The following ANKS1B variants were observed in gnomAD, a reference collection of about 807,000 sequenced individuals.
The protein encoded by ANKS1B is ankyrin repeat and sterile alpha motif domain containing 1B, also known as ankyrin repeat and sterile alpha motif domain-containing protein 1B.
ANKS1B carries 36 observed loss-of-function variants against 148.3 expected under a neutral mutation model. The observed-to-expected ratio is 0.24, with a 90% CI of 0.19 to 0.32. The LOEUF is 0.32. Among genes scored for constraint, ANKS1B ranks in the 10% least tolerant of loss-of-function variants. The pLI, the probability that ANKS1B is intolerant of heterozygous loss-of-function variation, is 1.00. For synonymous variants in ANKS1B, 542 were observed against 560.8 expected (o/e 0.97, Z 0.47); for missense variants, 1,157 against 1,542.6 (o/e 0.75, Z 4.19).
chr12:99,463,262 A>C (rs945819826), intron 10 of ANKS1B, among the ~76,000 whole-genome samples: 1 of 152,258 alleles, frequency 6.6e-6, no homozygotes, highest in Non-Finnish European at 1.5e-5. Context: ...GTTTTGATTA[A>C]TATGTGAAGA....
chr12:99,654,950 C>A, intron 9 of ANKS1B, 117 bp downstream of exon 9: 1 of 1,211,000 alleles, frequency 8.3e-7, no homozygotes, highest in Non-Finnish European at 1.1e-6. Context: ...CCACAAGATC[C>A]AAAATCACAA....
intron 17 of ANKS1B, among the ~76,000 whole-genome samples, chr12:98,988,157 T>C (rs1670802432): frequency 6.6e-6 from 1 of 152,196 alleles, no homozygotes; most frequent in Admixed American, 6.5e-5. Context: ...AAGAATACAA[T>C]ATATTAACTA....
At chr12:99,322,735 G>A (rs2085532362) in intron 12 of ANKS1B, among the ~76,000 whole-genome samples, 1 of 152,120 alleles carries the variant, frequency 6.6e-6, no homozygotes, top group South Asian at 2.1e-4. Context: ...TGGTTTGGCT[G>A]TGTCCCCATC....
chr12:99,433,219 A>C (rs2095408425), intron 11 of ANKS1B, among the ~76,000 whole-genome samples: 1 of 152,180 alleles, frequency 6.6e-6, no homozygotes, highest in African/African-American at 2.4e-5. Context: ...AAAAATTAAT[A>C]ACACTGAAGA....
chr12:99,312,534 C>T (rs1032290251), intron 12 of ANKS1B, among the ~76,000 whole-genome samples: 10 of 152,144 alleles, frequency 6.6e-5, no homozygotes, highest in East Asian at 1.9e-4. Context: ...TCCAAAATGA[C>T]GACATAGACC....
intron 8 of ANKS1B, among the ~76,000 whole-genome samples, chr12:99,670,657 T>C (rs1286928001): frequency 6.6e-6 from 1 of 152,082 alleles, no homozygotes; most frequent in Non-Finnish European, 1.5e-5. Flanking sequence ...ACCAAAATTA[T>C]AAGCATTACA....
At chr12:99,300,600 G>A (rs1232177527) in intron 12 of ANKS1B, among the ~76,000 whole-genome samples, 1 of 152,148 alleles carries the variant, frequency 6.6e-6, no homozygotes, top group Non-Finnish European at 1.5e-5. Context: ...CTATCAACAG[G>A]GAACTAGAGA....
chr12:99,298,301 T>G (rs1339921663), intron 12 of ANKS1B, among the ~76,000 whole-genome samples: 2 of 152,200 alleles, frequency 1.3e-5, no homozygotes, highest in African/African-American at 2.4e-5. Context: ...GGGCCATGTG[T>G]AGATAATTGA....
chr12:99,236,498 C>T (rs1192404505), intron 14 of ANKS1B, among the ~76,000 whole-genome samples: 3 of 152,172 alleles, frequency 2.0e-5, no homozygotes, highest in South Asian at 2.1e-4. Flanking sequence ...CATCAGGTCT[C>T]GTGAGAACTC....
intron 22 of ANKS1B, among the ~76,000 whole-genome samples, chr12:98,792,598 C>T (rs1244515843): frequency 6.6e-6 from 1 of 152,112 alleles, no homozygotes; most frequent in Non-Finnish European, 1.5e-5. Flanking sequence ...CTCCCTATTC[C>T]CCTCCTCCTC....
chr12:98,759,258 G>A (rs2098341147), intron 25 of ANKS1B, among the ~76,000 whole-genome samples: 1 of 152,136 alleles, frequency 6.6e-6, no homozygotes, highest in South Asian at 2.1e-4. Context: ...CATGGATATT[G>A]AACATCACCA....
rs1009568459 is a variant in ANKS1B, at chr12:99,558,863, T to C, written c.1273-54222A>G. On this transcript the variant is annotated intron_variant, in intron 9 of 26. Transcript: ENST00000683438. ...CCCTGGCCATGCTCCACTTCAGCCATTCCCATGCCAAACCTTCTGCTCCTA... is the reference window on the plus strand; with the variant it reads ...CCCTGGCCATGCTCCACTTCAGCCACTCCCATGCCAAACCTTCTGCTCCTA... Among the ~76,000 whole-genome samples the C allele has an allele frequency of 1.9e-4, 29 of 152,136 alleles. 1 individual carries two copies. Among genetic ancestry groups the C allele is most frequent in the Admixed American group, 1.7e-3 (26 of 15,276 alleles).
intron 10 of ANKS1B, among the ~76,000 whole-genome samples, chr12:99,485,807 C>A (rs1230474093): frequency 1.3e-5 from 2 of 151,958 alleles, no homozygotes; most frequent in Non-Finnish European, 2.9e-5. Context: ...TCTATTTGTT[C>A]TAGTCTATTG....
At chr12:99,651,180 C>T (rs1004505582) in intron 9 of ANKS1B, among the ~76,000 whole-genome samples, 2 of 151,932 alleles carry the variant, frequency 1.3e-5, no homozygotes, top group South Asian at 2.1e-4. Context: ...ACAGCGCTTA[C>T]GACTTAATGA....
At chr12:99,231,615 T>G (rs1344331268) in intron 14 of ANKS1B, among the ~76,000 whole-genome samples, 1 of 151,796 alleles carries the variant, frequency 6.6e-6, no homozygotes, top group Non-Finnish European at 1.5e-5. Flanking sequence ...TTTAGCATCC[T>G]TTTTTTTAGT....
intron 8 of ANKS1B, among the ~76,000 whole-genome samples, chr12:99,716,497 C>G (rs965498237): frequency 1.3e-5 from 2 of 152,102 alleles, no homozygotes; most frequent in African/African-American, 2.4e-5. Flanking sequence ...CTTAAAACCT[C>G]TTCAACTCAC....
chr12:99,312,266 T>C (rs888228065), intron 12 of ANKS1B, among the ~76,000 whole-genome samples: 2 of 152,150 alleles, frequency 1.3e-5, no homozygotes, highest in Non-Finnish European at 2.9e-5. Flanking sequence ...ACAAAAGGCA[T>C]TGGCAACATT....
chr12:99,355,388 G>T (rs370487993), intron 12 of ANKS1B, among the ~76,000 whole-genome samples: 2,822 of 152,132 alleles, frequency 0.019, 92 homozygotes, highest in African/African-American at 0.062. Context: ...CTTATTCATT[G>T]TTTTCCTGCC....
At chr12:99,466,587 T>C (rs1365902312) in intron 10 of ANKS1B, among the ~76,000 whole-genome samples, 5 of 149,404 alleles carry the variant, frequency 3.3e-5, no homozygotes, top group African/African-American at 1.3e-4. Flanking sequence ...ATAGATGCAA[T>C]AAAAAATGAT....
Sources: allele counts gnomAD v4.1 joint callset (sites outside exome capture counted in the v4.1 genomes callset), GRCh38; gene constraint gnomAD v4.1.1; transcripts MANE v1.5; gene names NCBI Gene and HGNC (gene_info 2026-07-23, HGNC 2026-07-21).